The following MARCHF1 variants were observed in gnomAD, a reference collection of about 807,000 sequenced individuals.
MARCHF1 encodes membrane associated ring-CH-type finger 1.
A neutral mutation model predicts 54.2 loss-of-function variants in MARCHF1; 40 were observed. The observed-to-expected ratio is 0.74, with a 90% CI of 0.57 to 0.96. The LOEUF (loss-of-function observed/expected upper bound fraction) is 0.96. Among genes scored for constraint, MARCHF1 ranks in the 40% least tolerant of loss-of-function variants. MARCHF1 has a pLI of 0.00. For missense variants in MARCHF1, 586 were observed against 656.5 expected (o/e 0.89, Z 1.17); for synonymous variants, 236 against 236.3 (o/e 1.00, Z 0.01).
chr4:163,720,168 A>G lies in MARCHF1; in HGVS notation c.112-19305T>C, dbSNP rs560522819. Among the ~76,000 whole-genome samples, 14 of 152,304 alleles carry G rather than the reference A, an allele frequency of 9.2e-5. No homozygotes were observed. In the East Asian group the frequency reaches 1.3e-3, roughly 15 times the overall value. On this transcript the variant is annotated intron_variant, in intron 4 of 9. Coordinates refer to ENST00000514618, the MANE Select transcript of MARCHF1 (RefSeq NM_001394959.1). ...GGGTTTTTATGGTTTTAGGTCTAAC[A>G]TTTAAGTCTTTAATCCATCTTGAAT...
intron 8 of MARCHF1, chr4:163,585,172 T>G (rs1390379508): frequency 6.6e-6 from 1 of 152,232 alleles, no homozygotes; most frequent in Non-Finnish European, 1.5e-5. Flanking sequence ...CTTACCTCTC[T>G]CTTACAGCCT....
At chr4:164,079,676 A>G (rs1438389697) in intron 2 of MARCHF1, among the ~76,000 whole-genome samples, 10 of 152,140 alleles carry the variant, frequency 6.6e-5, no homozygotes, top group Non-Finnish European at 1.5e-4. Context: ...CATTCTTAAA[A>G]TGATTTGTGT....
At chr4:163,925,847 C>T (rs1411501856) in intron 3 of MARCHF1, among the ~76,000 whole-genome samples, 1 of 151,320 alleles carries the variant, frequency 6.6e-6, no homozygotes, top group Non-Finnish European at 1.5e-5. Context: ...ATATATGCAT[C>T]CTGTTAATAA....
intron 4 of MARCHF1, among the ~76,000 whole-genome samples, chr4:163,761,846 G>A (rs1579265182): frequency 6.6e-6 from 1 of 152,146 alleles, no homozygotes. Flanking sequence ...CTTCACATTC[G>A]ATTTGAGTAT....
At chr4:164,218,351 C>T (rs777446008) in intron 1 of MARCHF1, among the ~76,000 whole-genome samples, 152 of 152,010 alleles carry the variant, frequency 1.0e-3, no homozygotes, top group Non-Finnish European at 1.6e-3. Context: ...GGTCTTACTC[C>T]TAAACTTTCA....
chr4:163,630,065 C>A (rs1742018519), intron 5 of MARCHF1, among the ~76,000 whole-genome samples: 1 of 152,134 alleles, frequency 6.6e-6, no homozygotes, highest in Admixed American at 6.5e-5. Flanking sequence ...ACCATATAAC[C>A]TAATCATTCT....
intron 1 of MARCHF1, among the ~76,000 whole-genome samples, chr4:164,364,100 G>GA (rs1730805927): frequency 6.6e-6 from 1 of 152,012 alleles, no homozygotes; most frequent in Admixed American, 6.6e-5. Flanking sequence ...TCAAAGAAGG[G>GA]AAGGGAGAGA....
At chr4:163,886,067 T>C (rs1286265962) in intron 3 of MARCHF1, among the ~76,000 whole-genome samples, 3 of 148,744 alleles carry the variant, frequency 2.0e-5, no homozygotes, top group African/African-American at 7.4e-5. Context: ...GTGGTATCTA[T>C]ATATAGATAT....
intron 4 of MARCHF1, among the ~76,000 whole-genome samples, chr4:163,815,402 T>A (rs547728865): frequency 6.6e-6 from 1 of 152,340 alleles, no homozygotes; most frequent in Admixed American, 6.5e-5. Flanking sequence ...TGGCTGTGCA[T>A]CTATTATGAG....
chr4:163,696,545 A>T (rs900314833), intron 5 of MARCHF1, among the ~76,000 whole-genome samples: 21 of 152,146 alleles, frequency 1.4e-4, no homozygotes, highest in African/African-American at 5.1e-4. Context: ...GAGCTGTCAA[A>T]CTCATTGAGC....
At chr4:163,535,037 A>C (rs903798036) in intron 9 of MARCHF1, among the ~76,000 whole-genome samples, 1 of 152,096 alleles carries the variant, frequency 6.6e-6, no homozygotes, top group African/African-American at 2.4e-5. Context: ...AAGTAGTAAT[A>C]ATAATTTTTG....
At chr4:164,225,888 C>T (rs562879147) in intron 1 of MARCHF1, among the ~76,000 whole-genome samples, 3 of 152,048 alleles carry the variant, frequency 2.0e-5, no homozygotes, top group African/African-American at 7.2e-5. Flanking sequence ...TAAATCACAA[C>T]TATTGTTTTC....
intron 2 of MARCHF1, among the ~76,000 whole-genome samples, chr4:164,088,358 C>A (rs1755232519): frequency 6.6e-6 from 1 of 152,034 alleles, no homozygotes; most frequent in Non-Finnish European, 1.5e-5. Context: ...TGATGTTTTC[C>A]TTAGTCAAGA....
chr4:163,985,186 A>G (rs1752837886), intron 3 of MARCHF1, among the ~76,000 whole-genome samples: 1 of 100,906 alleles, frequency 9.9e-6, no homozygotes, highest in Non-Finnish European at 2.1e-5. Context: ...TACTCACTTC[A>G]TAAGAAGTGA....
intron 1 of MARCHF1, among the ~76,000 whole-genome samples, chr4:164,351,523 G>T (rs973781169): frequency 1.6e-4 from 24 of 151,882 alleles, no homozygotes; most frequent in East Asian, 7.8e-4. Context: ...ACACGGCAGG[G>T]TATTCCAACA....
chr4:163,702,312 C>T (rs543135977), intron 4 of MARCHF1, among the ~76,000 whole-genome samples: 3 of 152,276 alleles, frequency 2.0e-5, no homozygotes, highest in South Asian at 2.1e-4. Flanking sequence ...TTTCTACTGA[C>T]GTCTCAACTC....
chr4:163,957,792 T>C (rs561478033), intron 3 of MARCHF1, among the ~76,000 whole-genome samples: 15 of 152,132 alleles, frequency 9.9e-5, no homozygotes, highest in South Asian at 4.1e-4. Flanking sequence ...TTGTATATCA[T>C]GAATCTAACC....
chr4:163,624,050 G>T (rs186195885), intron 5 of MARCHF1, among the ~76,000 whole-genome samples: 5 of 152,308 alleles, frequency 3.3e-5, no homozygotes, highest in Admixed American at 6.5e-5. Context: ...TTACTGGGTT[G>T]GATGAGGTGC....
chr4:163,632,291 G>T (rs1360423750), intron 5 of MARCHF1, among the ~76,000 whole-genome samples: 1 of 152,216 alleles, frequency 6.6e-6, no homozygotes, highest in South Asian at 2.1e-4. Context: ...CCCAGCCTGA[G>T]CGACGCAGAA....
Sources: gnomAD v4.1 joint callset for allele counts (sites outside exome capture counted in the v4.1 genomes callset) on GRCh38, gnomAD v4.1.1 for gene constraint, MANE v1.5 for transcripts, NCBI Gene and HGNC (gene_info 2026-07-23, HGNC 2026-07-21) for gene names.